Variants in HIP1R observed in about 807,000 individuals in gnomAD.
HIP1R encodes huntingtin interacting protein 1 related.
A neutral mutation model predicts 144.2 loss-of-function variants in HIP1R; 135 were observed. That is an observed-to-expected ratio of 0.94 (90% confidence interval 0.81 to 1.08). HIP1R has a LOEUF of 1.08. Ranked by LOEUF, HIP1R falls within the 50% of genes least tolerant of loss-of-function variation. The probability of loss-of-function intolerance (pLI) is 0.00; values close to 1 mark genes in which losing one functional copy is unlikely to be tolerated. For synonymous variants in HIP1R, 698 were observed against 612.8 expected, an observed-to-expected ratio of 1.14 and a Z score of -2.05; for missense variants, 1,462 against 1,432.8, an observed-to-expected ratio of 1.02 and a Z score of -0.33.
chr12:122,849,875 G>A lies in HIP1R; in HGVS notation c.358G>A (p.Gly120Arg). Residue 120 changes from glycine (G) to arginine (R), a missense_variant and splice_region_variant, in exon 5 of 32, where the codon GGA becomes AGA. Gly to Arg is a moderately radical substitution (Grantham distance 125). Transcript: ENST00000253083. ...CCTCACCCTGTCTGTCTTCACACAGGGACATTTGCATGACCGCTACGGACA... is the reference window on the plus strand; with the variant it reads ...CCTCACCCTGTCTGTCTTCACACAGAGACATTTGCATGACCGCTACGGACA... ...SNIREIGDLWGHLHDRYGQLV... is the reference protein window; with the variant it reads ...SNIREIGDLWRHLHDRYGQLV... The A allele has an allele frequency of 6.2e-7, 1 of 1,612,102 alleles. No individual in the cohort carries two copies. The highest frequency in any genetic ancestry group is 1.7e-5 in the Admixed American group (1 of 59,998).
intron 13 of HIP1R, 28 bp from the exon 14 acceptor site, chr12:122,855,952 G>A (rs756426373): frequency 4.5e-6 from 7 of 1,571,784 alleles, no homozygotes; most frequent in Non-Finnish European, 6.0e-6. Flanking sequence ...GGCCCAGGCA[G>A]GGCCCCACGT....
In HIP1R at chr12:122,861,451, T is replaced by C; in HGVS notation, c.3096T>C (p.Ser1032=). The change falls in exon 31 of 32, where the codon AGT becomes AGC. Residue 1032 remains serine, a synonymous_variant. Transcript: ENST00000253083. The part of the protein sequence containing the change: ...VAIRPSTAPR[S]VTTKKPPLAQ... ...TCCGGCCCAGCACTGCCCCCCGAAG[T>C]GTAACCACCAAGAAACCACCCCTGG... is the stretch of plus-strand genomic sequence containing the variant. 6.2e-7 allele frequency: 1 copy of C among 1,613,330 alleles called. No homozygotes were observed. Among genetic ancestry groups the C allele is most frequent in the African/African-American group, 1.3e-5 (1 of 74,960 alleles).
intron 3 of HIP1R, 62 bp downstream of exon 3, chr12:122,848,670 C>A (rs1040843718): frequency 1.3e-5 from 21 of 1,594,348 alleles, no homozygotes; most frequent in Non-Finnish European, 1.7e-5. Context: ...GACATGCGGG[C>A]TCTGGCCCTG....
At position 122,861,153 on chromosome 12, in the gene HIP1R, G is replaced by A; in HGVS notation, c.2913G>A (p.Leu971=). ...CAGACACCATGGATTTCTCCGGCCT[G>A]TCCCTCATCAAGCTGAAGAAGCAGG... ...EDRDTMDFSG[L]SLIKLKKQEM... The change falls in exon 30 of 32, where the codon CTG becomes CTA. Residue 971 remains leucine (L), a synonymous_variant. Coordinates refer to ENST00000253083, the MANE Select transcript of HIP1R (RefSeq NM_003959.3). 1 of 1,613,254 alleles carries A rather than the reference G, an allele frequency of 6.2e-7. No individual in the cohort carries two copies. Among genetic ancestry groups the A allele is most frequent in the African/African-American group, 1.3e-5 (1 of 74,918 alleles).
At chr12:122,837,777 T>C (rs2032949344) in intron 1 of HIP1R, among the ~76,000 whole-genome samples, 1 of 152,236 alleles carries the variant, frequency 6.6e-6, no homozygotes, top group Non-Finnish European at 1.5e-5. Context: ...GGTTTGCTCG[T>C]CTTCACAGTG....
In HIP1R at chr12:122,860,688, T is replaced by C; in HGVS notation, c.2670T>C (p.Ala890=). Residue 890 remains alanine (A), a synonymous_variant, in exon 28 of 32, where the codon GCT becomes GCC. Coordinates refer to ENST00000253083, the MANE Select transcript of HIP1R (RefSeq NM_003959.3). ...GWGATQLVEA[A]DKVVLHTGKY... The stretch of plus-strand genomic sequence containing the variant: ...GGCCCTTGACCCGCAGGGAGGCAGC[T>C]GACAAGGTGGTGCTTCACACGGGCA... The C allele has an allele frequency of 6.2e-7, 1 of 1,613,308 alleles. No individual in the cohort carries two copies.
At chr12:122,845,220 C>T (rs1466432990) in intron 1 of HIP1R, among the ~76,000 whole-genome samples, 1 of 152,194 alleles carries the variant, frequency 6.6e-6, no homozygotes, top group Non-Finnish European at 1.5e-5. Flanking sequence ...GTAGGTGGGA[C>T]ATCACTGGGA....
At position 122,861,810 on chromosome 12, in the gene HIP1R, C is replaced by G; in HGVS notation, c.*57C>G. The G allele has an allele frequency of 1.3e-6, 2 of 1,543,562 alleles. No homozygotes were observed. The highest frequency in any genetic ancestry group is 1.8e-6 in the Non-Finnish European group (2 of 1,119,976). ...ACAGGCCTGGGCCTCTGCAACTGCCCTGACAGGACCGAGAGGCCTTGCCCC... is the reference window on the plus strand; with the variant it reads ...ACAGGCCTGGGCCTCTGCAACTGCCGTGACAGGACCGAGAGGCCTTGCCCC... On this transcript the variant is annotated 3_prime_UTR_variant, in exon 32 of 32. Coordinates refer to ENST00000253083, the MANE Select transcript of HIP1R (RefSeq NM_003959.3).
chr12:122,859,722 A>ACC, intron 23 of HIP1R, 50 bp from the exon 24 acceptor site: 1 of 1,595,234 alleles, frequency 6.3e-7, no homozygotes, highest in Non-Finnish European at 8.6e-7. Flanking sequence ...CTTTCCCAGG[A>ACC]CCACGGTCCC....
At position 122,857,090 on chromosome 12, in the gene HIP1R, C is replaced by T. The variant is rs140743610; in HGVS notation, c.1690C>T (p.Arg564Trp). The T allele has an allele frequency of 1.8e-3, 2,786 of 1,551,330 alleles. 6 individuals are homozygous for T. Among genetic ancestry groups the T allele is most frequent in the Middle Eastern group, 2.7e-3 (15 of 5,616 alleles). Residue 564 changes from arginine to tryptophan, a missense_variant, in exon 18 of 32, where the codon CGG (arginine) becomes TGG (tryptophan). This residue lies in a region of HIP1R where 1,112 missense variants were observed against 1,011.7 expected (regional missense o/e 1.10). Coordinates refer to ENST00000253083, the MANE Select transcript of HIP1R (RefSeq NM_003959.3). ...GAAGGATGCTCTGAGTGGAGCTGTGCGGCAGCGGGAGGCAGACCTGCTGGC... is the reference window on the plus strand; with the variant it reads ...GAAGGATGCTCTGAGTGGAGCTGTGTGGCAGCGGGAGGCAGACCTGCTGGC... ...AEKDALSGAV[R>W]QREADLLAAQ...
chr12:122,843,567 G>A (rs1410644642), intron 1 of HIP1R, among the ~76,000 whole-genome samples: 1 of 152,152 alleles, frequency 6.6e-6, no homozygotes, highest in African/African-American at 2.4e-5. Context: ...CTGCCCCCTG[G>A]GCCCCTGGGT....
chr12:122,858,521 C>T (rs1593888390), intron 20 of HIP1R, 86 bp downstream of exon 20: 2 of 1,135,578 alleles, frequency 1.8e-6, no homozygotes, highest in Non-Finnish European at 1.3e-6. Flanking sequence ...GGGAGGTTTA[C>T]AGACAGCAGG....
upstream of HIP1R, chr12:122,835,278 A>C: frequency 1.2e-5 from 3 of 241,956 alleles, no homozygotes; most frequent in Non-Finnish European, 1.1e-5. Context: ...GCGTGTCCCG[A>C]GATCGCGGGG....
In HIP1R at chr12:122,853,709, G is replaced by C. The variant is rs543666438; in HGVS notation, c.578-334G>C. 9 of 242,118 alleles carry C rather than the reference G, an allele frequency of 3.7e-5. No individual in the cohort carries two copies. In the East Asian group the frequency reaches 8.4e-4, roughly 23 times the overall value. 15.0% of individuals were successfully genotyped at this position (242,118 alleles called of 1,614,324 possible). A position where few individuals can be genotyped will look rare whatever the true frequency, so the allele number is the denominator to read the frequency against. On this transcript the variant is annotated intron_variant, in intron 7 of 31. Coordinates refer to ENST00000253083, the MANE Select transcript of HIP1R (RefSeq NM_003959.3). Reference sequence around the variant, plus strand: ...AGCCTCCTTCCTGCTCTAACATTCAGCGTGGGTTTGAGGCCCGTGGGCATG... The same window carrying C: ...AGCCTCCTTCCTGCTCTAACATTCACCGTGGGTTTGAGGCCCGTGGGCATG...
Position 122,859,839 on chromosome 12 carries a change from C to T in HIP1R, c.2465+9C>T, listed in dbSNP as rs1234783087. 11 of 1,611,442 alleles carry T rather than the reference C, an allele frequency of 6.8e-6. No individual in the cohort carries two copies. The highest frequency in any genetic ancestry group is 8.5e-6 in the Non-Finnish European group (10 of 1,179,062). ...CTGGAGGTGAACGAGAGGTGAGCCC[C>T]CCTTCTGTCCCCCCAGGCCCAGCCG... On this transcript the variant is annotated intron_variant, in intron 24 of 31. Coordinates refer to ENST00000253083, the MANE Select transcript of HIP1R (RefSeq NM_003959.3).
chr12:122,859,380 C>G (rs765055084), intron 22 of HIP1R, 46 bp from the exon 23 acceptor site: 22 of 1,511,116 alleles, frequency 1.5e-5, no homozygotes, highest in East Asian at 2.3e-5. Flanking sequence ...GCCCGTGGGA[C>G]GGGGGGGGAC....
In HIP1R at chr12:122,861,346, AC is replaced by A; in HGVS notation, c.2992del (p.Arg998AlafsTer36). On this transcript the variant is annotated frameshift_variant, in exon 31 of 32. Transcript: ENST00000253083. LOFTEE classifies it high-confidence loss of function. ...LELEKTLEAE[R>X]MRLGELRKQH... The stretch of plus-strand genomic sequence containing the variant: ...AGCTGGAGAAGACGCTGGAGGCTGA[AC>A]GCATGCGGCTGGGGGAGTTGCGGAA... 1 of 1,613,640 alleles carries A rather than the reference AC, an allele frequency of 6.2e-7. No homozygotes were observed. Among genetic ancestry groups the A allele is most frequent in the Non-Finnish European group, 8.5e-7 (1 of 1,179,934 alleles).
intron 13 of HIP1R, 25 bp from the exon 14 acceptor site, chr12:122,855,955 C>T (rs2033558609): frequency 6.4e-7 from 1 of 1,572,420 alleles, no homozygotes; most frequent in South Asian, 1.2e-5. Flanking sequence ...CCAGGCAGGG[C>T]CCCACGTCAC....
rs746062457 is a variant in HIP1R at position 122,858,150 on chromosome 12, G to A, written c.1864G>A (p.Ala622Thr). 23 of 1,603,934 alleles carry A rather than the reference G, an allele frequency of 1.4e-5. No homozygotes were observed. In the Admixed American group the frequency reaches 2.2e-4, roughly 15 times the overall value. ...LRQRLLDEQF[A>T]VLRGAAAEAA... is the part of the protein sequence containing the mutation. ...GCAGAGGCTGCTGGACGAGCAGTTC[G>A]CAGTGTTGCGGGGCGCTGCTGCCGA... Residue 622 changes from alanine to threonine, a missense_variant, in exon 19 of 32, where the codon GCA becomes ACA. This residue lies in a region of HIP1R where 1,112 missense variants were observed against 1,011.7 expected (regional missense o/e 1.10). Coordinates refer to ENST00000253083, the MANE Select transcript of HIP1R (RefSeq NM_003959.3).
Sources: gnomAD v4.1 joint callset for allele counts (sites outside exome capture counted in the v4.1 genomes callset) on GRCh38, gnomAD v4.1.1 for gene constraint, gnomAD v4.1.1 regional missense constraint, MANE v1.5 for transcripts, NCBI Gene and HGNC (gene_info 2026-07-23, HGNC 2026-07-21) for gene names.